MAP2K4: variants seen among roughly 807,000 people sequenced by gnomAD.
MAP2K4 encodes mitogen-activated protein kinase kinase 4.
Under a neutral mutation model 48.5 loss-of-function variants are expected in MAP2K4, and 4 were observed. That is an observed-to-expected ratio of 0.08 (90% CI 0.04 to 0.19). MAP2K4 has a LOEUF of 0.19. Ranked by LOEUF, MAP2K4 falls within the 10% of genes least tolerant of loss-of-function variation. The pLI is 1.00. For missense variants in MAP2K4, 258 were observed against 493.3 expected (o/e 0.52, Z 4.52); for synonymous variants, 166 against 173.1 (o/e 0.96, Z 0.32).
chr17:12,086,328 T>G (rs1567652230), intron 3 of MAP2K4, among the ~76,000 whole-genome samples: 1 of 152,106 alleles, frequency 6.6e-6, no homozygotes, highest in Non-Finnish European at 1.5e-5. Context: ...ATATGAAAAG[T>G]GTAAGTAGAG....
At chr17:12,057,417 A>T (rs1164303411) in intron 2 of MAP2K4, among the ~76,000 whole-genome samples, 8 of 115,670 alleles carry the variant, frequency 6.9e-5, no homozygotes, top group African/African-American at 2.6e-4. Context: ...TGTAGCAGGG[A>T]TGTTATTTAT....
intron 7 of MAP2K4, among the ~76,000 whole-genome samples, chr17:12,121,242 G>A (rs1022712906): frequency 1.4e-4 from 21 of 152,116 alleles, no homozygotes; most frequent in South Asian, 8.3e-4. Flanking sequence ...TAAATTTCAC[G>A]TTTAGACTTG....
rs1971715125 is a variant in MAP2K4 at position 12,095,702 on chromosome 17, TA to T, written c.513+11del. On this transcript the variant is annotated intron_variant, in intron 4 of 10. Coordinates refer to ENST00000353533, the MANE Select transcript of MAP2K4 (RefSeq NM_003010.4). Reference sequence around the variant, plus strand: ...GGTGCACTCTTCAGAGAGGTAGGAATAAACTGGGTTTTAGCTGACTAATGAA... The same window carrying T: ...GGTGCACTCTTCAGAGAGGTAGGAATAACTGGGTTTTAGCTGACTAATGAA... 1.9e-6 allele frequency: 3 copies of T among 1,612,548 alleles called. No individual in the cohort carries two copies. The highest frequency in any genetic ancestry group is 1.7e-6 in the Non-Finnish European group (2 of 1,179,536).
chr17:12,091,461 G>A (rs767602943), intron 3 of MAP2K4, among the ~76,000 whole-genome samples: 7 of 152,112 alleles, frequency 4.6e-5, no homozygotes, highest in South Asian at 2.1e-4. Flanking sequence ...TTCTATTACC[G>A]CGGCCTAATC....
intron 4 of MAP2K4, among the ~76,000 whole-genome samples, chr17:12,102,650 C>T (rs1971971611): frequency 6.6e-6 from 1 of 152,056 alleles, no homozygotes; most frequent in African/African-American, 2.4e-5. Context: ...GCCACTTGAA[C>T]TTGGCAATTT....
At chr17:12,025,725 C>CA (rs1241870875) in intron 1 of MAP2K4, among the ~76,000 whole-genome samples, 4 of 152,092 alleles carry the variant, frequency 2.6e-5, no homozygotes, top group Admixed American at 6.5e-5. Flanking sequence ...TTAGAAAACA[C>CA]GCCCAGTACT....
intron 1 of MAP2K4, among the ~76,000 whole-genome samples, chr17:12,047,937 C>A (rs1417469441): frequency 6.6e-6 from 1 of 152,134 alleles, no homozygotes; most frequent in Non-Finnish European, 1.5e-5. Context: ...GATTAGTGTT[C>A]CAGTGGTATT....
chr17:12,104,467 T>G (rs1972041287), intron 4 of MAP2K4, among the ~76,000 whole-genome samples: 1 of 152,230 alleles, frequency 6.6e-6, no homozygotes, highest in South Asian at 2.1e-4. Context: ...ATAATAAACG[T>G]TTAATTTTTG....
intron 1 of MAP2K4, among the ~76,000 whole-genome samples, chr17:12,029,552 A>G (rs1034614028): frequency 1.3e-5 from 2 of 152,196 alleles, no homozygotes; most frequent in Non-Finnish European, 2.9e-5. Context: ...TTAACTATCA[A>G]CAGGTTCAAC....
intron 4 of MAP2K4, among the ~76,000 whole-genome samples, chr17:12,100,891 T>A (rs1971915819): frequency 6.6e-6 from 1 of 152,156 alleles, no homozygotes; most frequent in Non-Finnish European, 1.5e-5. Flanking sequence ...CTGTTGTACA[T>A]TTTTATTTAA....
At chr17:12,080,625 A>G (rs1597446583) in intron 2 of MAP2K4, among the ~76,000 whole-genome samples, 1 of 152,244 alleles carries the variant, frequency 6.6e-6, no homozygotes, top group East Asian at 1.9e-4. Context: ...GAAAATTTCA[A>G]TTTTGAATAG....
intron 2 of MAP2K4, among the ~76,000 whole-genome samples, chr17:12,076,483 G>A (rs1971014151): frequency 1.3e-5 from 2 of 152,080 alleles, no homozygotes; most frequent in Non-Finnish European, 1.5e-5. Flanking sequence ...AATCGGGAAG[G>A]ACTTCACTGC....
chr17:12,086,817 A>G (rs1338904353), intron 3 of MAP2K4, among the ~76,000 whole-genome samples: 1 of 137,626 alleles, frequency 7.3e-6, no homozygotes, highest in East Asian at 2.2e-4. Context: ...TATCTGGAGA[A>G]AAACCTGTTT....
At chr17:12,033,559 A>C (rs1969504147) in intron 1 of MAP2K4, among the ~76,000 whole-genome samples, 1 of 150,706 alleles carries the variant, frequency 6.6e-6, no homozygotes, top group African/African-American at 2.5e-5. Flanking sequence ...CATTACTGTT[A>C]TGTCTCCCTT....
chr17:12,029,216 G>A (rs1332645591), intron 1 of MAP2K4, among the ~76,000 whole-genome samples: 14 of 151,998 alleles, frequency 9.2e-5, no homozygotes, highest in African/African-American at 2.7e-4. Flanking sequence ...TAGGAGATAC[G>A]TAGAGAGAAA....
intron 1 of MAP2K4, among the ~76,000 whole-genome samples, chr17:12,047,637 C>A (rs1970010694): frequency 6.6e-6 from 1 of 152,174 alleles, no homozygotes; most frequent in Non-Finnish European, 1.5e-5. Context: ...ACAAAGCAAG[C>A]TGAATTCTTT....
At chr17:12,068,826 A>G (rs905253863) in intron 2 of MAP2K4, among the ~76,000 whole-genome samples, 3 of 152,110 alleles carry the variant, frequency 2.0e-5, no homozygotes, top group Admixed American at 1.3e-4. Context: ...CATGTATCAC[A>G]TACTCTGGTG....
chr17:12,059,791 G>T (rs1027291346), intron 2 of MAP2K4, among the ~76,000 whole-genome samples: 25 of 152,130 alleles, frequency 1.6e-4, no homozygotes. Flanking sequence ...TTCTTGATGA[G>T]CCTTCTCAGT....
intron 8 of MAP2K4, 36 bp downstream of exon 8, chr17:12,125,407 G>GT (rs760117204): frequency 2.1e-4 from 318 of 1,533,170 alleles, no homozygotes; most frequent in Non-Finnish European, 2.1e-4. Context: ...CCACAGTAGC[G>GT]TAACAATAAG....
Sources: allele counts gnomAD v4.1 joint callset (sites outside exome capture counted in the v4.1 genomes callset), GRCh38; gene constraint gnomAD v4.1.1; transcripts MANE v1.5; gene names NCBI Gene and HGNC (gene_info 2026-07-23, HGNC 2026-07-21).